Variants in CHN2 observed in about 807,000 individuals in gnomAD.
CHN2 encodes the protein chimerin 2, also known as beta-chimaerin.
A neutral mutation model predicts 56.3 loss-of-function variants in CHN2; 35 were observed. The ratio of observed to expected loss-of-function variants is 0.62; its 90% CI spans 0.47 to 0.82. The LOEUF (loss-of-function observed/expected upper bound fraction) is 0.82. Ranked by LOEUF, CHN2 falls within the 40% of genes least tolerant of loss-of-function variation. The pLI, the probability that CHN2 is intolerant of heterozygous loss-of-function variation, is 0.00. For missense variants in CHN2, 491 were observed against 580.5 expected (o/e 0.85, Z 1.58); for synonymous variants, 210 against 212.8 (o/e 0.99, Z 0.12).
intron 1 of CHN2, among the ~76,000 whole-genome samples, chr7:29,321,692 T>G (rs1795374168): frequency 6.7e-6 from 1 of 150,208 alleles, no homozygotes; most frequent in Non-Finnish European, 1.5e-5. Flanking sequence ...TGCCTCAGCC[T>G]CCGGAGTAGC....
At chr7:29,255,255 A>T (rs1024912453) in intron 1 of CHN2, among the ~76,000 whole-genome samples, 2 of 152,184 alleles carry the variant, frequency 1.3e-5, no homozygotes, top group Non-Finnish European at 2.9e-5. Context: ...AGTTTCAGAC[A>T]GGCATGTGGC....
chr7:29,350,123 G>A (rs1156539924), intron 1 of CHN2, among the ~76,000 whole-genome samples: 1 of 152,004 alleles, frequency 6.6e-6, no homozygotes, highest in Non-Finnish European at 1.5e-5. Flanking sequence ...GTAAATTTGG[G>A]GGGACTGCCT....
intron 1 of CHN2, among the ~76,000 whole-genome samples, chr7:29,212,047 C>T (rs1784998572): frequency 6.6e-6 from 1 of 152,104 alleles, no homozygotes; most frequent in South Asian, 2.1e-4. Context: ...CCAGGCTTGG[C>T]ATCATTTCAT....
Position 29,512,605 on chromosome 7 carries a change from A to G in CHN2, c.1277A>G (p.Asn426Ser), listed in dbSNP as rs755604192. 1.2e-6 allele frequency: 2 copies of G among 1,613,632 alleles called. No individual in the cohort carries two copies. Among genetic ancestry groups the G allele is most frequent in the East Asian group, 2.2e-5 (1 of 44,880 alleles). ...NEKDNFMNAE[N>S]LGIVFGPTLM... ...AAAGACAATTTCATGAATGCAGAAA[A>G]TCTGGGGATCGTGTTTGGGCCCACT... Residue 426 changes from asparagine to serine, a missense_variant, in exon 13 of 13, where the codon AAT becomes AGT. Physicochemically the swap from Asn to Ser is conservative, Grantham distance 46. Coordinates refer to ENST00000222792, the MANE Select transcript of CHN2 (RefSeq NM_004067.4).
At chr7:29,512,216 A>G (rs1791548058) in intron 12 of CHN2, among the ~76,000 whole-genome samples, 1 of 152,172 alleles carries the variant, frequency 6.6e-6, no homozygotes. Flanking sequence ...GGCCTATGAA[A>G]GGACCATGGG....
intron 2 of CHN2, among the ~76,000 whole-genome samples, chr7:29,178,711 A>G (rs1442194426): frequency 6.6e-6 from 1 of 152,152 alleles, no homozygotes; most frequent in Non-Finnish European, 1.5e-5. Flanking sequence ...GGGCTCAGTT[A>G]TTGTTTGTTG....
At chr7:29,433,793 C>A (rs1783018897) in intron 6 of CHN2, among the ~76,000 whole-genome samples, 1 of 149,798 alleles carries the variant, frequency 6.7e-6, no homozygotes, top group Admixed American at 6.6e-5. Context: ...GAGCCAAGAT[C>A]ATGCCACTGC....
At chr7:29,194,612 T>A (rs1783379330), upstream of CHN2, 1 of 262,682 alleles carries the variant, frequency 3.8e-6, no homozygotes, top group Non-Finnish European at 7.1e-6. Context: ...CAGGGGAGCG[T>A]GGACGGCAGA....
At chr7:29,197,198 G>A (rs770912641) in intron 1 of CHN2, among the ~76,000 whole-genome samples, 5 of 152,148 alleles carry the variant, frequency 3.3e-5, no homozygotes, top group Non-Finnish European at 5.9e-5. Flanking sequence ...AGGGCACTCC[G>A]TCAATGTATT....
intron 2 of CHN2, among the ~76,000 whole-genome samples, chr7:29,366,312 G>T (rs1388442131): frequency 6.6e-6 from 1 of 152,134 alleles, no homozygotes; most frequent in African/African-American, 2.4e-5. Context: ...CCTGAAGAGG[G>T]CCTAAGGTAA....
intron 6 of CHN2, among the ~76,000 whole-genome samples, chr7:29,459,031 G>C (rs993459444): frequency 2.0e-5 from 3 of 152,206 alleles, no homozygotes; most frequent in African/African-American, 4.8e-5. Context: ...TTTGAATTAA[G>C]TTACACTAAA....
intron 6 of CHN2, among the ~76,000 whole-genome samples, chr7:29,456,487 T>G (rs943677915): frequency 6.6e-6 from 1 of 152,178 alleles, no homozygotes; most frequent in Non-Finnish European, 1.5e-5. Flanking sequence ...AGTTCCCCTG[T>G]GCCCATTCAT....
At chr7:29,475,626 C>T (rs4719976) in intron 6 of CHN2, among the ~76,000 whole-genome samples, 88,900 of 152,078 alleles carry the variant, frequency 0.58, 26,104 homozygotes, top group Non-Finnish European at 0.61. Context: ...AAATGTCCAT[C>T]AACTGATAAA....
intron 6 of CHN2, among the ~76,000 whole-genome samples, chr7:29,459,141 G>A (rs1209541412): frequency 2.6e-5 from 4 of 152,198 alleles, no homozygotes; most frequent in Admixed American, 6.5e-5. Context: ...CCAGGAACGC[G>A]GTGGGTCAGG....
intron 6 of CHN2, among the ~76,000 whole-genome samples, chr7:29,453,091 GAGTTCATTCTA>G (rs1396601229): frequency 6.6e-6 from 1 of 152,222 alleles, no homozygotes; most frequent in East Asian, 1.9e-4. Flanking sequence ...TTTGCATGAT[GAGTTCATTCTA>G]AGTTGCCACC....
intron 2 of CHN2, among the ~76,000 whole-genome samples, chr7:29,157,189 C>T (rs1318129560): frequency 6.6e-6 from 1 of 152,196 alleles, no homozygotes; most frequent in South Asian, 2.1e-4. Context: ...TCACCCACAT[C>T]AGCAGTTTAC....
chr7:29,277,320 A>G (rs1399438072), intron 1 of CHN2, among the ~76,000 whole-genome samples: 2 of 152,234 alleles, frequency 1.3e-5, no homozygotes, highest in African/African-American at 4.8e-5. Flanking sequence ...CTCTGTGTAT[A>G]GCCAACCAGA....
At chr7:29,182,862 T>G (rs961276467) in intron 2 of CHN2, among the ~76,000 whole-genome samples, 6 of 152,260 alleles carry the variant, frequency 3.9e-5, no homozygotes, top group Admixed American at 2.6e-4. Context: ...TTTTTGCCCT[T>G]TTGTGTGGAA....
At chr7:29,319,135 G>T (rs1585046617) in intron 1 of CHN2, among the ~76,000 whole-genome samples, 2 of 152,178 alleles carry the variant, frequency 1.3e-5, no homozygotes, top group South Asian at 2.1e-4. Context: ...GCAACTATGT[G>T]TGTGAAATTT....
Sources: allele counts gnomAD v4.1 joint callset (sites outside exome capture counted in the v4.1 genomes callset), GRCh38; gene constraint gnomAD v4.1.1; transcripts MANE v1.5; gene names NCBI Gene and HGNC (gene_info 2026-07-23, HGNC 2026-07-21).